Variants in HS6ST3 observed in about 807,000 individuals in gnomAD.
HS6ST3 encodes heparan sulfate 6-O-sulfotransferase 3, also known as heparan-sulfate 6-O-sulfotransferase 3.
HS6ST3 carries 12 observed loss-of-function variants against 36.7 expected under a neutral mutation model. That is an observed-to-expected ratio of 0.33 (90% CI 0.21 to 0.53). The LOEUF (loss-of-function observed/expected upper bound fraction) is 0.53, where lower values mean the gene tolerates loss of function less well. HS6ST3 is among the 20% of genes least tolerant of loss of function. The pLI is 0.95. For missense variants in HS6ST3, 584 were observed against 640.9 expected (o/e 0.91, Z 0.96); for synonymous variants, 240 against 257.5 (o/e 0.93, Z 0.65).
intron 1 of HS6ST3, among the ~76,000 whole-genome samples, chr13:96,446,110 C>A (rs1295936652): frequency 6.8e-6 from 1 of 147,210 alleles, no homozygotes; most frequent in Non-Finnish European, 1.5e-5. Context: ...GAGGCAGAGC[C>A]TGCAGTGAGC....
intron 1 of HS6ST3, among the ~76,000 whole-genome samples, chr13:96,363,248 A>G (rs2055247326): frequency 6.6e-6 from 1 of 151,838 alleles, no homozygotes; most frequent in Non-Finnish European, 1.5e-5. Flanking sequence ...GCAGGATGCC[A>G]TCAATGGGAG....
At chr13:96,394,482 G>A (rs145266960) in intron 1 of HS6ST3, among the ~76,000 whole-genome samples, 2 of 152,102 alleles carry the variant, frequency 1.3e-5, no homozygotes, top group Admixed American at 1.3e-4. Context: ...CAGGGCAGAG[G>A]CTCTTCAATC....
intron 1 of HS6ST3, among the ~76,000 whole-genome samples, chr13:96,405,973 C>A (rs529382970): frequency 1.3e-5 from 2 of 152,238 alleles, no homozygotes; most frequent in Non-Finnish European, 2.9e-5. Flanking sequence ...AAATTCTCAC[C>A]TTTTTCCATT....
chr13:96,511,159 G>A (rs1030875460), intron 1 of HS6ST3, among the ~76,000 whole-genome samples: 2 of 152,134 alleles, frequency 1.3e-5, no homozygotes, highest in African/African-American at 4.8e-5. Context: ...TTTCAGCACT[G>A]TGTTCATGGA....
intron 1 of HS6ST3, among the ~76,000 whole-genome samples, chr13:96,645,179 GC>G (rs2056584638): frequency 6.6e-6 from 1 of 151,886 alleles, no homozygotes; most frequent in African/African-American, 2.4e-5. Context: ...GAGAAGGATT[GC>G]AAAGATAGAA....
intron 1 of HS6ST3, among the ~76,000 whole-genome samples, chr13:96,752,801 A>G (rs1876731969): frequency 6.6e-6 from 1 of 152,124 alleles, no homozygotes; most frequent in South Asian, 2.1e-4. Context: ...ATGTGATGAA[A>G]TGTATCTATT....
At chr13:96,255,493 C>T (rs187159316) in intron 1 of HS6ST3, among the ~76,000 whole-genome samples, 43 of 152,204 alleles carry the variant, frequency 2.8e-4, no homozygotes, top group African/African-American at 7.5e-4. Flanking sequence ...TAAGACCATG[C>T]GATTTAAATT....
At chr13:96,442,311 G>A (rs1334155861) in intron 1 of HS6ST3, among the ~76,000 whole-genome samples, 1 of 152,076 alleles carries the variant, frequency 6.6e-6, no homozygotes, top group African/African-American at 2.4e-5. Context: ...ACTGCCCGTG[G>A]CTGAAAATAT....
At chr13:96,483,616 T>C (rs1364710814) in intron 1 of HS6ST3, among the ~76,000 whole-genome samples, 1 of 152,226 alleles carries the variant, frequency 6.6e-6, no homozygotes. Context: ...ATTTGAAGTA[T>C]GGAATCTGTG....
intron 1 of HS6ST3, among the ~76,000 whole-genome samples, chr13:96,332,724 A>C (rs1360399185): frequency 6.6e-6 from 1 of 152,250 alleles, no homozygotes; most frequent in Non-Finnish European, 1.5e-5. Flanking sequence ...CATTTTGTAC[A>C]GGAAATTGCT....
At chr13:96,469,375 T>A (rs1364141705) in intron 1 of HS6ST3, among the ~76,000 whole-genome samples, 1 of 152,106 alleles carries the variant, frequency 6.6e-6, no homozygotes, top group African/African-American at 2.4e-5. Context: ...TGGAAGTTCC[T>A]ATCAAAATTC....
At chr13:96,726,952 C>A (rs1876021305) in intron 1 of HS6ST3, among the ~76,000 whole-genome samples, 1 of 152,142 alleles carries the variant, frequency 6.6e-6, no homozygotes, top group African/African-American at 2.4e-5. Flanking sequence ...GGTCTGGATT[C>A]ATGTGCTTTC....
intron 1 of HS6ST3, among the ~76,000 whole-genome samples, chr13:96,732,794 A>G (rs926976067): frequency 6.6e-6 from 1 of 151,594 alleles, no homozygotes; most frequent in Non-Finnish European, 1.5e-5. Flanking sequence ...TGAGCATGGG[A>G]TATCTTTCCA....
At chr13:96,302,107 G>C (rs367939027) in intron 1 of HS6ST3, among the ~76,000 whole-genome samples, 51 of 151,796 alleles carry the variant, frequency 3.4e-4, no homozygotes, top group African/African-American at 1.1e-3. Flanking sequence ...ACTACTGGAG[G>C]TGTATCAATT....
intron 1 of HS6ST3, among the ~76,000 whole-genome samples, chr13:96,772,722 TAAG>T (rs1877293513): frequency 6.6e-6 from 1 of 152,216 alleles, no homozygotes; most frequent in Non-Finnish European, 1.5e-5. Flanking sequence ...AAGCCTTCAA[TAAG>T]AAGAACATTT....
chr13:96,628,404 A>G (rs1313927222), intron 1 of HS6ST3, among the ~76,000 whole-genome samples: 2 of 151,910 alleles, frequency 1.3e-5, no homozygotes, highest in African/African-American at 4.8e-5. Flanking sequence ...AAATATATTG[A>G]GACTTATTTT....
At chr13:96,177,666 G>A (rs1156817537) in intron 1 of HS6ST3, among the ~76,000 whole-genome samples, 6 of 151,940 alleles carry the variant, frequency 3.9e-5, no homozygotes, top group Admixed American at 1.3e-4. Flanking sequence ...GGAGAGGATC[G>A]GAGAATATAA....
At chr13:96,550,548 G>T (rs1285465790) in intron 1 of HS6ST3, among the ~76,000 whole-genome samples, 1 of 152,112 alleles carries the variant, frequency 6.6e-6, no homozygotes, top group Non-Finnish European at 1.5e-5. Flanking sequence ...GCCTAATGTG[G>T]ACTGAAGCCA....
At chr13:96,538,319 T>C (rs937001286) in intron 1 of HS6ST3, among the ~76,000 whole-genome samples, 1 of 152,266 alleles carries the variant, frequency 6.6e-6, no homozygotes, top group African/African-American at 2.4e-5. Flanking sequence ...AATACCTTTC[T>C]CTTGCCTTAT....
Sources: gnomAD v4.1 joint callset for allele counts (sites outside exome capture counted in the v4.1 genomes callset) on GRCh38, gnomAD v4.1.1 for gene constraint, MANE v1.5 for transcripts, NCBI Gene and HGNC (gene_info 2026-07-23, HGNC 2026-07-21) for gene names.